Variants in LPL observed in about 807,000 individuals in gnomAD.
LPL encodes lipoprotein lipase.
A neutral mutation model predicts 52.2 loss-of-function variants in LPL; 43 were observed. The ratio of observed to expected loss-of-function variants is 0.82; its 90% CI spans 0.64 to 1.06. LPL has a LOEUF of 1.06. LPL is among the 50% of genes least tolerant of loss of function. LPL has a pLI of 0.00. For synonymous variants in LPL, 244 were observed against 215.6 expected, an observed-to-expected ratio of 1.13 and a Z score of -1.15; for missense variants, 639 against 585.3, an observed-to-expected ratio of 1.09 and a Z score of -0.95.
In LPL at chr8:19,939,427, G is replaced by A. The variant is rs773735260; in HGVS notation, c.-14G>A. The A allele has an allele frequency of 1.3e-5, 21 of 1,601,904 alleles. No homozygotes were observed. Among genetic ancestry groups the A allele is most frequent in the Non-Finnish European group, 1.6e-5 (19 of 1,174,984 alleles). On this transcript the variant is annotated 5_prime_UTR_variant, in exon 1 of 10. Transcript: ENST00000650287. The surrounding 1 kb of genome is among the most constrained non-coding windows in gnomAD (Gnocchi z 4.0). ...TCCGCGCCTTGCAGCTCCTCCAGAG[G>A]GACGCGCCCCGAGATGGAGAGCAAA...
rs764464946 is a variant in LPL at position 19,954,307 on chromosome 8, T to C, written c.729T>C (p.Cys243=). The change falls in exon 5 of 10, where the codon TGT becomes TGC. Residue 243 remains cysteine (C), a synonymous_variant. Transcript: ENST00000650287. ...ATGGAGGTACTTTTCAGCCAGGATG[T>C]AACATTGGAGAAGCTATCCGCGTGA... ...YPNGGTFQPG[C]NIGEAIRVIA... 1.9e-6 allele frequency: 3 copies of C among 1,614,106 alleles called. No individual in the cohort carries two copies. The highest frequency in any genetic ancestry group is 2.5e-6 in the Non-Finnish European group (3 of 1,180,044).
At position 19,954,151 on chromosome 8, in the gene LPL, T is replaced by G; in HGVS notation, c.573T>G (p.Tyr191Ter). The change falls in exon 5 of 10, where the codon TAT (tyrosine) becomes TAG (stop). Residue 191 changes from tyrosine (Y) to a stop codon, truncating the protein, a stop_gained. Transcript: ENST00000650287. LOFTEE classifies it high-confidence loss of function. ...ATCCAGCTGGACCTAACTTTGAGTA[T>G]GCAGAAGCCCCGAGTCGTCTTTCTC... ...GLDPAGPNFE[Y>*]AEAPSRLSPD... 6.2e-7 allele frequency: 1 copy of G among 1,614,236 alleles called. No individual in the cohort carries two copies. The highest frequency in any genetic ancestry group is 1.1e-5 in the South Asian group (1 of 91,082).
intron 3 of LPL, among the ~76,000 whole-genome samples, chr8:19,952,618 TG>T (rs2069945712): frequency 6.6e-6 from 1 of 152,246 alleles, no homozygotes. Flanking sequence ...AAAAATAAGC[TG>T]TGTTTATTAG....
intron 1 of LPL, among the ~76,000 whole-genome samples, chr8:19,941,886 GCCA>G (rs2128835673): frequency 6.6e-6 from 1 of 152,322 alleles, no homozygotes; most frequent in East Asian, 1.9e-4. Flanking sequence ...CGTCCTGGGA[GCCA>G]CCACCATCTC....
rs1563561465 is a variant in LPL, at chr8:19,939,433, G to T, written c.-8G>T. ...CCTTGCAGCTCCTCCAGAGGGACGC[G>T]CCCCGAGATGGAGAGCAAAGCCCTG... is the stretch of plus-strand genomic sequence containing the variant. On this transcript the variant is annotated 5_prime_UTR_variant, in exon 1 of 10. Transcript: ENST00000650287. This position sits in a 1 kb window ranked among gnomAD's most constrained non-coding sequence, Gnocchi z 4.0. The T allele has an allele frequency of 2.5e-6, 4 of 1,605,048 alleles. No individual in the cohort carries two copies. The highest frequency in any genetic ancestry group is 2.2e-5 in the East Asian group (1 of 44,516).
intron 6 of LPL, among the ~76,000 whole-genome samples, chr8:19,956,312 G>A (rs917965360): frequency 6.6e-6 from 1 of 152,164 alleles, no homozygotes; most frequent in Non-Finnish European, 1.5e-5. Context: ...TTGCAGCCTT[G>A]CTCGCTGCCC....
chr8:19,942,787 G>T lies in LPL; in HGVS notation c.88+3259G>T, dbSNP rs114624068. Among the ~76,000 whole-genome samples, 835 of 152,290 alleles carry T rather than the reference G, an allele frequency of 5.5e-3. 5 individuals carry two copies. Among genetic ancestry groups the T allele is most frequent in the African/African-American group, 0.019 (786 of 41,548 alleles). On this transcript the variant is annotated intron_variant, in intron 1 of 9. Coordinates refer to ENST00000650287, the MANE Select transcript of LPL (RefSeq NM_000237.3). ...GTTTGCTGTCTTGTGGCCATTTTAA[G>T]ATTGTCTGTGTGCACTGACACCATT...
At chr8:19,954,960 T>C (rs2069970607) in intron 5 of LPL, among the ~76,000 whole-genome samples, 3 of 152,156 alleles carry the variant, frequency 2.0e-5, no homozygotes, top group Admixed American at 2.0e-4. Flanking sequence ...TGCCTCAGCC[T>C]CCCAAAGTTC....
rs1285411075 is a variant in LPL at position 19,950,453 on chromosome 8, TGTC to T, written c.250-1315_250-1313del. On this transcript the variant is annotated intron_variant, in intron 2 of 9. Transcript: ENST00000650287. This position sits in a 1 kb window ranked among gnomAD's most constrained non-coding sequence, Gnocchi z 4.2. Reference sequence around the variant, plus strand: ...TTAGCTATTGTTCGGTTAATAAAAATGTCAGCCACTGTAGGAGTAAGTTGGATG... The same window carrying T: ...TTAGCTATTGTTCGGTTAATAAAAATAGCCACTGTAGGAGTAAGTTGGATG... Among the ~76,000 whole-genome samples, 8 of 152,240 alleles carry T rather than the reference TGTC, an allele frequency of 5.3e-5. No individual in the cohort carries two copies. Among genetic ancestry groups the T allele is most frequent in the Admixed American group, 2.0e-4 (3 of 15,284 alleles).
At chr8:19,954,419 T>C in intron 5 of LPL, 66 bp downstream of exon 5, 3 of 1,450,496 alleles carry the variant, frequency 2.1e-6, no homozygotes, top group Non-Finnish European at 2.9e-6. Context: ...CCCAATGTCC[T>C]ACTCAGTAGC....
Position 19,965,404 on chromosome 8 carries a change from G to T in LPL, c.*94G>T. The T allele has an allele frequency of 1.3e-6, 1 of 769,876 alleles. No homozygotes were observed. Among genetic ancestry groups the T allele is most frequent in the South Asian group, 1.4e-5 (1 of 73,122 alleles). The allele number at this position is 769,876 out of a possible 1,614,324, so 47.7% of individuals were successfully genotyped here. A position where few individuals can be genotyped will look rare whatever the true frequency, so the allele number is the denominator to read the frequency against. On this transcript the variant is annotated 3_prime_UTR_variant, in exon 10 of 10. Coordinates refer to ENST00000650287, the MANE Select transcript of LPL (RefSeq NM_000237.3). ...TTTTACAAAACATACCCAGTGTTTG[G>T]GGTGTTTCAAAAGTGGATTTTCCTG... is the stretch of plus-strand genomic sequence containing the variant.
At chr8:19,948,739 G>A (rs2069905562) in intron 2 of LPL, among the ~76,000 whole-genome samples, 1 of 152,124 alleles carries the variant, frequency 6.6e-6, no homozygotes, top group South Asian at 2.1e-4. Context: ...GTGAGGAGAG[G>A]GCTGGAGTGG....
At chr8:19,945,312 G>T (rs1394246345) in intron 1 of LPL, among the ~76,000 whole-genome samples, 1 of 152,066 alleles carries the variant, frequency 6.6e-6, no homozygotes, top group Non-Finnish European at 1.5e-5. Context: ...AGACATCCTC[G>T]GGGGGTTGCA....
chr8:19,948,378 G>C, intron 2 of LPL, 38 bp downstream of exon 2: 1 of 1,612,158 alleles, frequency 6.2e-7, no homozygotes. Flanking sequence ...GATTGGGGTG[G>C]TGAGGTATCC....
rs190991033 is a variant in LPL, at chr8:19,965,340, G to C, written c.*30G>C. On this transcript the variant is annotated 3_prime_UTR_variant, in exon 10 of 10. Transcript: ENST00000650287. ...GGGCGAATCTACAGAACAAAGAACG[G>C]CATGTGAATTCTGTGAAGAATGAAG... is the stretch of plus-strand genomic sequence containing the variant. The C allele has an allele frequency of 1.3e-5, 10 of 780,402 alleles. No homozygotes were observed. The highest frequency in any genetic ancestry group is 2.4e-5 in the Non-Finnish European group (10 of 417,908). The allele number at this position is 780,402 out of a possible 1,614,324, so 48.3% of individuals were successfully genotyped here. A position where few individuals can be genotyped will look rare whatever the true frequency, so the allele number is the denominator to read the frequency against.
chr8:19,960,836 A>T (rs1407385550), intron 7 of LPL, 65 bp from the exon 8 acceptor site: 2 of 1,236,856 alleles, frequency 1.6e-6, no homozygotes, highest in East Asian at 4.6e-5. Flanking sequence ...GAGAGGAGAA[A>T]AAAAAGTGGG....
chr8:19,940,433 A>T (rs1251178742), intron 1 of LPL, among the ~76,000 whole-genome samples: 2 of 152,210 alleles, frequency 1.3e-5, no homozygotes, highest in Non-Finnish European at 2.9e-5. Flanking sequence ...GCGTGGAGGC[A>T]GCGAGCACAA....
intron 5 of LPL, among the ~76,000 whole-genome samples, chr8:19,954,986 G>A (rs1342875822): frequency 6.6e-6 from 1 of 152,098 alleles, no homozygotes; most frequent in African/African-American, 2.4e-5. Flanking sequence ...TTGCAGCTGT[G>A]AGCCACCACG....
At chr8:19,960,155 A>G (rs1421192308) in intron 7 of LPL, among the ~76,000 whole-genome samples, 4 of 152,294 alleles carry the variant, frequency 2.6e-5, no homozygotes, top group African/African-American at 9.6e-5. Flanking sequence ...TACTAGATGA[A>G]CAAATCTTTA....
Sources: allele counts gnomAD v4.1 joint callset (sites outside exome capture counted in the v4.1 genomes callset), GRCh38; gene constraint gnomAD v4.1.1; non-coding constraint Gnocchi (gnomAD v3.1); transcripts MANE v1.5; gene names NCBI Gene and HGNC (gene_info 2026-07-23, HGNC 2026-07-21).